Variants in LTBP1 observed in about 807,000 individuals in gnomAD.
The protein encoded by LTBP1 is latent-transforming growth factor beta-binding protein 1.
In LTBP1, 129 loss-of-function variants were observed where a neutral mutation model predicts 207.6. The ratio of observed to expected loss-of-function variants is 0.62; its 90% CI spans 0.54 to 0.72. LTBP1 has a LOEUF of 0.72. Ranked by LOEUF, LTBP1 falls within the 30% of genes least tolerant of loss-of-function variation. LTBP1 has a pLI of 0.00. For missense variants in LTBP1, 2,281 were observed against 2,217.2 expected (o/e 1.03, Z -0.58); for synonymous variants, 963 against 833.7 (o/e 1.16, Z -2.67).
chr2:33,331,310 T>A (rs996644304), intron 24 of LTBP1, among the ~76,000 whole-genome samples: 2 of 151,908 alleles, frequency 1.3e-5, no homozygotes, highest in African/African-American at 4.8e-5. Flanking sequence ...GAAGTAGATC[T>A]TTAAATCATT....
At chr2:33,150,220 C>G (rs2083402040) in intron 5 of LTBP1, among the ~76,000 whole-genome samples, 1 of 152,148 alleles carries the variant, frequency 6.6e-6, no homozygotes, top group African/African-American at 2.4e-5. Flanking sequence ...TTTTGGTCAT[C>G]TTGCCTGGGA....
intron 2 of LTBP1, among the ~76,000 whole-genome samples, chr2:32,964,309 A>G (rs1679608958): frequency 6.6e-6 from 1 of 152,204 alleles, no homozygotes; most frequent in Admixed American, 6.5e-5. Context: ...CTGAAAAAGG[A>G]GCTGGTTTGC....
intron 15 of LTBP1, among the ~76,000 whole-genome samples, chr2:33,270,636 A>G (rs949113780): frequency 6.0e-5 from 9 of 150,654 alleles, no homozygotes; most frequent in African/African-American, 2.2e-4. Flanking sequence ...CTGGCAAAGG[A>G]TGGAAGGGAT....
At position 33,222,122 on chromosome 2, in the gene LTBP1, A is replaced by T. The variant is rs2091150070; in HGVS notation, c.1847A>T (p.Tyr616Phe). The change falls in exon 9 of 34, where the codon TAT (tyrosine) becomes TTT (phenylalanine). Residue 616 changes from tyrosine to phenylalanine, a missense_variant. Coordinates refer to ENST00000404816, the MANE Select transcript of LTBP1 (RefSeq NM_206943.4). ...YNQMMECLPG[Y>F]KRVNNTFCQD... is the part of the protein sequence containing the mutation. ...CAAATGATGGAATGCCTACCGGGTT[A>T]TAAGCGGGTTAACAACACCTTTTGC... 7 of 1,612,774 alleles carry T rather than the reference A, an allele frequency of 4.3e-6. No individual in the cohort carries two copies. Among genetic ancestry groups the T allele is most frequent in the Non-Finnish European group, 5.1e-6 (6 of 1,178,864 alleles).
At chr2:32,949,351 G>C (rs1208146816) in intron 2 of LTBP1, among the ~76,000 whole-genome samples, 5 of 152,204 alleles carry the variant, frequency 3.3e-5, no homozygotes, top group Non-Finnish European at 5.9e-5. Context: ...GGAGTAGAGG[G>C]CCCTGTTCTG....
At chr2:33,148,031 A>C (rs1425004091) in intron 5 of LTBP1, among the ~76,000 whole-genome samples, 1 of 152,208 alleles carries the variant, frequency 6.6e-6, no homozygotes, top group African/African-American at 2.4e-5. Flanking sequence ...CAGGAGTTCA[A>C]TTCCATAGTC....
chr2:33,203,492 A>G lies in LTBP1; in HGVS notation c.1702-14060A>G, dbSNP rs183814602. 1.1e-3 allele frequency among the ~76,000 whole-genome samples: 170 copies of G among 152,302 alleles called. 2 individuals are homozygous for G. Among genetic ancestry groups the G allele is most frequent in the Non-Finnish European group, 1.9e-4 (13 of 68,026 alleles). ...GACGTTACCCTTCCTGCGGCCCAGT[A>G]TCTGGTCTTTACCCAGGTAGATGTC... On this transcript the variant is annotated intron_variant, in intron 7 of 33. Coordinates refer to ENST00000404816, the MANE Select transcript of LTBP1 (RefSeq NM_206943.4).
intron 2 of LTBP1, among the ~76,000 whole-genome samples, chr2:32,958,498 A>G (rs1033907738): frequency 6.6e-6 from 1 of 152,136 alleles, no homozygotes; most frequent in African/African-American, 2.4e-5. Context: ...GGCTCTGGGT[A>G]TGGCTGAGCC....
In LTBP1 at chr2:32,978,874, G is replaced by A. The variant is rs79891580; in HGVS notation, c.565+29929G>A. Among the ~76,000 whole-genome samples, 805 of 151,520 alleles carry A rather than the reference G, an allele frequency of 5.3e-3. 4 individuals are homozygous for A. Among genetic ancestry groups the A allele is most frequent in the African/African-American group, 0.017 (707 of 41,426 alleles). On this transcript the variant is annotated intron_variant, in intron 2 of 33. Coordinates refer to ENST00000404816, the MANE Select transcript of LTBP1 (RefSeq NM_206943.4). ...TTCCTGGGAGACTTTTTATTACAGCGTTGATATCATTACTCAGTCTGTTCA... is the reference window on the plus strand; with the variant it reads ...TTCCTGGGAGACTTTTTATTACAGCATTGATATCATTACTCAGTCTGTTCA...
At chr2:33,280,181 C>A in intron 19 of LTBP1, 23 bp downstream of exon 19, 1 of 1,591,416 alleles carries the variant, frequency 6.3e-7, no homozygotes, top group African/African-American at 1.3e-5. Context: ...GTGTACTTAT[C>A]AAAGATTTGT....
In LTBP1 at chr2:32,947,079, C is replaced by T. The variant is rs1368427950; in HGVS notation, c.-246C>T. 9 of 313,718 alleles carry T rather than the reference C, an allele frequency of 2.9e-5. No individual in the cohort carries two copies. The highest frequency in any genetic ancestry group is 5.2e-5 in the Non-Finnish European group (9 of 172,554). 19.4% of individuals were successfully genotyped at this position (313,718 alleles called of 1,614,324 possible). A position where few individuals can be genotyped will look rare whatever the true frequency, so the allele number is the denominator to read the frequency against. On this transcript the variant is annotated 5_prime_UTR_variant, in exon 1 of 34. Transcript: ENST00000404816. ...GCGGCCCGCTCCCCTCGCCCCTCCC[C>T]GCTCCCCGGGCTCCGCGCTCCCCAC...
chr2:33,285,084 C>T (rs2093637879), intron 19 of LTBP1, among the ~76,000 whole-genome samples: 1 of 148,898 alleles, frequency 6.7e-6, no homozygotes, highest in African/African-American at 2.5e-5. Context: ...TCTTGTCGCC[C>T]AGGCTGGAGT....
chr2:33,119,523 C>A (rs1236945746), intron 4 of LTBP1, among the ~76,000 whole-genome samples: 1 of 152,056 alleles, frequency 6.6e-6, no homozygotes, highest in Non-Finnish European at 1.5e-5. Context: ...TAAGTCCATC[C>A]CCACTTTGAC....
chr2:33,347,612 C>G, intron 26 of LTBP1, 102 bp downstream of exon 26: 2 of 1,389,404 alleles, frequency 1.4e-6, no homozygotes, highest in Non-Finnish European at 2.0e-6. Flanking sequence ...AAGAAGCAGC[C>G]AGATGTCCTG....
intron 7 of LTBP1, among the ~76,000 whole-genome samples, chr2:33,209,076 T>G (rs1056482932): frequency 6.6e-6 from 1 of 152,030 alleles, no homozygotes; most frequent in Non-Finnish European, 1.5e-5. Flanking sequence ...TTTCACCATG[T>G]TGGCCAGGCT....
chr2:33,301,732 A>G (rs2093992167), intron 22 of LTBP1, 88 bp downstream of exon 22: 6 of 1,217,518 alleles, frequency 4.9e-6, no homozygotes, highest in African/African-American at 1.5e-5. Context: ...TTTGAACCTC[A>G]TCTCTTGATT....
intron 20 of LTBP1, among the ~76,000 whole-genome samples, chr2:33,300,108 G>A (rs1312875504): frequency 6.6e-6 from 1 of 152,070 alleles, no homozygotes; most frequent in Non-Finnish European, 1.5e-5. Flanking sequence ...AACTAAACAG[G>A]TCTGCAAACT....
At chr2:33,341,887 A>G (rs150477986) in intron 24 of LTBP1, among the ~76,000 whole-genome samples, 120 of 152,116 alleles carry the variant, frequency 7.9e-4, no homozygotes, top group African/African-American at 2.3e-3. Flanking sequence ...TTTGAACATA[A>G]AAGTGCAATC....
At chr2:33,085,781 G>A in intron 3 of LTBP1, among the ~76,000 whole-genome samples, 1 of 152,164 alleles carries the variant, frequency 6.6e-6, no homozygotes, top group East Asian at 1.9e-4. Context: ...TGCTGGGTTG[G>A]GAAGATAAAC....
Sources: allele counts gnomAD v4.1 joint callset (sites outside exome capture counted in the v4.1 genomes callset), GRCh38; gene constraint gnomAD v4.1.1; transcripts MANE v1.5; gene names NCBI Gene and HGNC (gene_info 2026-07-23, HGNC 2026-07-21).